The following TSHZ2 variants were observed in gnomAD, a reference collection of about 807,000 sequenced individuals.
TSHZ2 encodes teashirt zinc finger homeobox 2, also known as teashirt homolog 2.
TSHZ2 carries 21 observed loss-of-function variants against 74.4 expected under a neutral mutation model. The observed-to-expected ratio is 0.28, with a 90% CI of 0.20 to 0.41. The LOEUF is 0.41. TSHZ2 is among the 10% of genes least tolerant of loss of function. The pLI is 1.00. For missense variants in TSHZ2, 1,244 were observed against 1,293.5 expected, an observed-to-expected ratio of 0.96 and a Z score of 0.59; for synonymous variants, 540 against 515.3, an observed-to-expected ratio of 1.05 and a Z score of -0.65.
At chr20:53,339,504 C>T (rs1427905954) in intron 2 of TSHZ2, among the ~76,000 whole-genome samples, 2 of 152,182 alleles carry the variant, frequency 1.3e-5, no homozygotes, top group Non-Finnish European at 2.9e-5. Flanking sequence ...CACTGGGGCA[C>T]GTGGGAGCTC....
chr20:53,265,677 G>T (rs545919686), intron 2 of TSHZ2, among the ~76,000 whole-genome samples: 5 of 152,188 alleles, frequency 3.3e-5, no homozygotes, highest in African/African-American at 7.2e-5. Context: ...TGCTCCTTGT[G>T]GGGGAGGCAC....
intron 1 of TSHZ2, among the ~76,000 whole-genome samples, chr20:53,056,550 T>G (rs1984646522): frequency 6.6e-6 from 1 of 152,228 alleles, no homozygotes; most frequent in Non-Finnish European, 1.5e-5. Flanking sequence ...TCTAGTTAAA[T>G]AAATGAGTTT....
chr20:53,302,759 C>T (rs1001685230), intron 2 of TSHZ2, among the ~76,000 whole-genome samples: 4 of 152,116 alleles, frequency 2.6e-5, no homozygotes, highest in African/African-American at 9.7e-5. Flanking sequence ...GAAAGGCAAG[C>T]CTTCAAAATG....
intron 2 of TSHZ2, among the ~76,000 whole-genome samples, chr20:53,276,179 G>A (rs2145426627): frequency 6.6e-6 from 1 of 151,686 alleles, no homozygotes; most frequent in East Asian, 1.9e-4. Flanking sequence ...TTAGGCAAAT[G>A]GCAAGATTAC....
chr20:53,020,166 G>C (rs955496633), intron 1 of TSHZ2, among the ~76,000 whole-genome samples: 3 of 152,126 alleles, frequency 2.0e-5, no homozygotes, highest in Admixed American at 2.0e-4. Flanking sequence ...TCCCTCCCTG[G>C]ACATGTGGGG....
chr20:53,263,778 G>C (rs1358757987), intron 2 of TSHZ2, among the ~76,000 whole-genome samples: 25 of 152,124 alleles, frequency 1.6e-4, no homozygotes, highest in Admixed American at 1.6e-3. Context: ...AGGACTTTGG[G>C]CTCTAACATG....
chr20:53,278,045 T>G (rs1006250132), intron 2 of TSHZ2, among the ~76,000 whole-genome samples: 4 of 152,194 alleles, frequency 2.6e-5, no homozygotes, highest in African/African-American at 9.7e-5. Context: ...AATTCAAAGC[T>G]CATATCACAA....
intron 1 of TSHZ2, among the ~76,000 whole-genome samples, chr20:53,027,196 C>A (rs916899720): frequency 2.0e-5 from 3 of 151,964 alleles, no homozygotes; most frequent in African/African-American, 7.3e-5. Context: ...ATTACTGAGC[C>A]AGAGCTGTGT....
intron 2 of TSHZ2, among the ~76,000 whole-genome samples, chr20:53,435,182 C>T (rs563162957): frequency 6.6e-6 from 1 of 152,324 alleles, no homozygotes; most frequent in Admixed American, 6.5e-5. Flanking sequence ...AATTTTATTT[C>T]TTTGCAGCAC....
intron 1 of TSHZ2, among the ~76,000 whole-genome samples, chr20:53,107,202 C>T (rs1045198205): frequency 6.6e-6 from 1 of 152,160 alleles, no homozygotes; most frequent in Non-Finnish European, 1.5e-5. Context: ...CCAGTGGGTT[C>T]TTTGGCAGAA....
At chr20:53,346,118 C>T (rs1202400499) in intron 2 of TSHZ2, among the ~76,000 whole-genome samples, 1 of 152,202 alleles carries the variant, frequency 6.6e-6, no homozygotes, top group Non-Finnish European at 1.5e-5. Flanking sequence ...TTCCCTGTTT[C>T]GGATGCCTAC....
chr20:53,391,539 C>T (rs1280126216), intron 2 of TSHZ2, among the ~76,000 whole-genome samples: 1 of 151,996 alleles, frequency 6.6e-6, no homozygotes, highest in Non-Finnish European at 1.5e-5. Flanking sequence ...TCAAACAATC[C>T]TTCCACTTCA....
intron 2 of TSHZ2, among the ~76,000 whole-genome samples, chr20:53,470,709 A>C (rs1397813448): frequency 6.6e-6 from 1 of 152,112 alleles, no homozygotes. Context: ...AGCCACTCAG[A>C]AGGCTAAGAC....
At chr20:53,082,172 C>T (rs6091630) in intron 1 of TSHZ2, among the ~76,000 whole-genome samples, 1 of 152,182 alleles carries the variant, frequency 6.6e-6, no homozygotes, top group African/African-American at 2.4e-5. Context: ...CCAGAAAGGC[C>T]TTCACTCAAG....
At chr20:53,198,286 T>C (rs1024758733) in intron 1 of TSHZ2, 1 of 152,194 alleles carries the variant, frequency 6.6e-6, no homozygotes, top group Non-Finnish European at 1.5e-5. Context: ...GTGTGTGAAG[T>C]ACAAGAACTT....
At chr20:53,427,168 G>A (rs982563196) in intron 2 of TSHZ2, among the ~76,000 whole-genome samples, 17 of 152,252 alleles carry the variant, frequency 1.1e-4, no homozygotes, top group Non-Finnish European at 5.9e-5. Context: ...GTGTGATGGC[G>A]TGTGGTTCTG....
chr20:53,460,888 A>G (rs73620457), intron 2 of TSHZ2, among the ~76,000 whole-genome samples: 159 of 152,166 alleles, frequency 1.0e-3, no homozygotes, highest in African/African-American at 3.1e-3. Context: ...TGAGGAGGCA[A>G]TCTGCCCGTT....
At chr20:53,330,144 T>A (rs1409212980) in intron 2 of TSHZ2, among the ~76,000 whole-genome samples, 3 of 152,230 alleles carry the variant, frequency 2.0e-5, no homozygotes, top group African/African-American at 7.2e-5. Flanking sequence ...TGATCTAGAC[T>A]TTTTTGTCTC....
chr20:53,454,949 T>C (rs541813307), intron 2 of TSHZ2, among the ~76,000 whole-genome samples: 1 of 152,302 alleles, frequency 6.6e-6, no homozygotes, highest in African/African-American at 2.4e-5. Flanking sequence ...ACCCACTTCA[T>C]GTTGACCAAA....
Sources: allele counts gnomAD v4.1 joint callset (sites outside exome capture counted in the v4.1 genomes callset), GRCh38; gene constraint gnomAD v4.1.1; transcripts MANE v1.5; gene names NCBI Gene and HGNC (gene_info 2026-07-23, HGNC 2026-07-21).